Variants in ROR1 observed in about 807,000 individuals in gnomAD.
ROR1 encodes inactive tyrosine-protein kinase transmembrane receptor ROR1.
In ROR1, 19 loss-of-function variants were observed where a neutral mutation model predicts 78.8. That is an observed-to-expected ratio of 0.24 (90% CI 0.17 to 0.35). ROR1 has a LOEUF of 0.35. Ranked by LOEUF, ROR1 falls within the 10% of genes least tolerant of loss-of-function variation. The probability of loss-of-function intolerance (pLI) is 1.00; values close to 1 mark genes in which losing one functional copy is unlikely to be tolerated. For missense variants in ROR1, 917 were observed against 1,177.8 expected, an observed-to-expected ratio of 0.78 and a Z score of 3.24; for synonymous variants, 386 against 433.6, an observed-to-expected ratio of 0.89 and a Z score of 1.36.
intron 1 of ROR1, among the ~76,000 whole-genome samples, chr1:63,994,312 A>G (rs1251571770): frequency 1.3e-5 from 2 of 152,074 alleles, no homozygotes; most frequent in Admixed American, 1.3e-4. Context: ...TTTGATATTA[A>G]TAACCCATTT....
chr1:63,980,403 T>A (rs1646200970), intron 1 of ROR1, among the ~76,000 whole-genome samples: 1 of 152,144 alleles, frequency 6.6e-6, no homozygotes, highest in Non-Finnish European at 1.5e-5. Context: ...ATACAGTGAT[T>A]TAAGGCCTGT....
At chr1:64,109,908 G>A (rs547904510) in intron 4 of ROR1, among the ~76,000 whole-genome samples, 1 of 152,216 alleles carries the variant, frequency 6.6e-6, no homozygotes, top group South Asian at 2.1e-4. Flanking sequence ...ATGTCCGAAT[G>A]TCTTATTAAT....
Position 64,145,330 on chromosome 1 carries a change from TA to T in ROR1, c.1174+2682del, listed in dbSNP as rs1649445409. 2.6e-5 allele frequency among the ~76,000 whole-genome samples: 4 copies of T among 152,198 alleles called. 1 individual carries two copies. In the South Asian group the frequency reaches 8.3e-4, roughly 32 times the overall value. On this transcript the variant is annotated intron_variant, in intron 7 of 8. Coordinates refer to ENST00000371079, the MANE Select transcript of ROR1 (RefSeq NM_005012.4). ...CTTAAAAAATTACTAAAGAAATCCA[TA>T]AGAAAAAGTTTTAAAAATATTGAAA...
At chr1:63,891,390 G>T (rs528698968) in intron 1 of ROR1, among the ~76,000 whole-genome samples, 4 of 152,106 alleles carry the variant, frequency 2.6e-5, no homozygotes, top group Non-Finnish European at 5.9e-5. Context: ...GGACTCCTTT[G>T]TCTGAGGCAC....
intron 1 of ROR1, among the ~76,000 whole-genome samples, chr1:63,876,465 T>C (rs183423435): frequency 1.3e-5 from 2 of 152,100 alleles, no homozygotes; most frequent in Admixed American, 1.3e-4. Context: ...CTACCTAAAG[T>C]GAAATATATT....
chr1:63,938,010 T>TCTGAGA (rs1444049339), intron 1 of ROR1, among the ~76,000 whole-genome samples: 3 of 152,138 alleles, frequency 2.0e-5, no homozygotes, highest in Admixed American at 6.5e-5. Context: ...GGCTCCCTCT[T>TCTGAGA]CTGTTTCCAG....
chr1:63,982,933 C>T (rs979091757), intron 1 of ROR1, among the ~76,000 whole-genome samples: 2 of 151,996 alleles, frequency 1.3e-5, no homozygotes, highest in South Asian at 2.1e-4. Context: ...GTAATAGCAC[C>T]GACCTTGTAA....
intron 1 of ROR1, among the ~76,000 whole-genome samples, chr1:63,776,613 A>G (rs1569684392): frequency 6.6e-6 from 1 of 152,170 alleles, no homozygotes; most frequent in African/African-American, 2.4e-5. Context: ...ATCTTTAAGT[A>G]CCAGGCTTAG....
At chr1:64,021,160 C>T (rs922790328) in intron 2 of ROR1, among the ~76,000 whole-genome samples, 8 of 152,096 alleles carry the variant, frequency 5.3e-5, no homozygotes, top group Non-Finnish European at 8.8e-5. Flanking sequence ...TATCTGTGGG[C>T]CCAAAGTCAG....
At chr1:63,793,325 C>T (rs1022963820) in intron 1 of ROR1, among the ~76,000 whole-genome samples, 1 of 152,032 alleles carries the variant, frequency 6.6e-6, no homozygotes, top group Non-Finnish European at 1.5e-5. Flanking sequence ...ATCAAATGAT[C>T]GATTGGCAGT....
intron 1 of ROR1, among the ~76,000 whole-genome samples, chr1:63,930,175 T>C (rs705531): frequency 0.7 from 106,522 of 151,884 alleles, 39,836 homozygotes; most frequent in East Asian, 0.94. Flanking sequence ...TCCATGTGTT[T>C]TCATTGTTTA....
At chr1:64,168,036 A>G (rs1294194936) in intron 8 of ROR1, among the ~76,000 whole-genome samples, 1 of 152,228 alleles carries the variant, frequency 6.6e-6, no homozygotes, top group African/African-American at 2.4e-5. Flanking sequence ...TAGGCAGGCT[A>G]CTTAACCACT....
chr1:63,831,651 G>A (rs548021578), intron 1 of ROR1, among the ~76,000 whole-genome samples: 1 of 152,206 alleles, frequency 6.6e-6, no homozygotes, highest in African/African-American at 2.4e-5. Context: ...GTGATGGGAG[G>A]GGCTGCCATG....
intron 1 of ROR1, among the ~76,000 whole-genome samples, chr1:63,825,902 C>T (rs977828080): frequency 1.6e-4 from 24 of 152,120 alleles, no homozygotes; most frequent in Admixed American, 1.1e-3. Context: ...AGAAACCTAG[C>T]GTGGTCTCAA....
intron 4 of ROR1, among the ~76,000 whole-genome samples, chr1:64,100,201 A>G (rs1647470457): frequency 6.6e-6 from 1 of 151,762 alleles, no homozygotes; most frequent in Non-Finnish European, 1.5e-5. Flanking sequence ...AAAAAAGTTG[A>G]CCATGTGTGG....
chr1:63,932,350 C>A (rs886496797), intron 1 of ROR1, among the ~76,000 whole-genome samples: 1 of 152,054 alleles, frequency 6.6e-6, no homozygotes, highest in Non-Finnish European at 1.5e-5. Flanking sequence ...AAGAGGGGAC[C>A]TCTGCTTGGG....
intron 1 of ROR1, among the ~76,000 whole-genome samples, chr1:63,867,278 A>G (rs1028216887): frequency 1.3e-5 from 2 of 152,214 alleles, no homozygotes; most frequent in African/African-American, 2.4e-5. Flanking sequence ...TGAGTGTTAG[A>G]CCAGGTGGTT....
intron 8 of ROR1, among the ~76,000 whole-genome samples, chr1:64,165,786 C>T (rs1650070672): frequency 6.8e-6 from 1 of 147,210 alleles, no homozygotes; most frequent in Non-Finnish European, 1.5e-5. Flanking sequence ...CTCACTGCAA[C>T]CTCCACCTCC....
chr1:64,138,541 G>T (rs1649197349), intron 5 of ROR1, among the ~76,000 whole-genome samples: 1 of 151,096 alleles, frequency 6.6e-6, no homozygotes, highest in Non-Finnish European at 1.5e-5. Context: ...GAAGAGGGAG[G>T]AGGACTTTTT....
Sources: gnomAD v4.1 joint callset for allele counts (sites outside exome capture counted in the v4.1 genomes callset) on GRCh38, gnomAD v4.1.1 for gene constraint, MANE v1.5 for transcripts, NCBI Gene and HGNC (gene_info 2026-07-23, HGNC 2026-07-21) for gene names.